FAM222B: variants seen among roughly 807,000 people sequenced by gnomAD.
FAM222B encodes the protein protein FAM222B.
A neutral mutation model predicts 38.0 loss-of-function variants in FAM222B; 12 were observed. The ratio of observed to expected loss-of-function variants is 0.32; its 90% confidence interval spans 0.20 to 0.51. The LOEUF is 0.51. Among genes scored for constraint, FAM222B ranks in the 20% least tolerant of loss-of-function variants. FAM222B has a pLI of 0.97. For synonymous variants in FAM222B, 329 were observed against 317.2 expected (o/e 1.04, Z -0.40); for missense variants, 716 against 754.2 (o/e 0.95, Z 0.59).
At chr17:28,780,602 A>T (rs1319697957) in intron 1 of FAM222B, among the ~76,000 whole-genome samples, 3 of 152,016 alleles carry the variant, frequency 2.0e-5, no homozygotes, top group Non-Finnish European at 2.9e-5. Context: ...ATTGAAGAGG[A>T]TGGGTGCGGT....
chr17:28,836,160 G>A (rs932648458), intron 1 of FAM222B, among the ~76,000 whole-genome samples: 1 of 150,320 alleles, frequency 6.7e-6, no homozygotes, highest in African/African-American at 2.4e-5. Context: ...CAGCTAATTT[G>A]TGTGTTTTTA....
At position 28,758,341 on chromosome 17, in the gene FAM222B, C is replaced by A. The variant is rs1283279133; in HGVS notation, c.1618G>T (p.Ala540Ser). The A allele has an allele frequency of 6.2e-7, 1 of 1,612,316 alleles. No individual in the cohort carries two copies. The highest frequency in any genetic ancestry group is 8.5e-7 in the Non-Finnish European group (1 of 1,179,196). Reference protein sequence around the residue: ...SLAMLSKAHRAPGNRAPDPTE... With the variant: ...SLAMLSKAHRSPGNRAPDPTE... Reference sequence around the variant, plus strand: ...GGATCGGGGGCTCGGTTGCCAGGGGCTCGGTGGGCCTTGCTCAGCATGGCC... The same window carrying A: ...GGATCGGGGGCTCGGTTGCCAGGGGATCGGTGGGCCTTGCTCAGCATGGCC... Residue 540 changes from alanine to serine, a missense_variant, in exon 3 of 3, where the codon GCC becomes TCC. By Grantham distance (99) the Ala-to-Ser change is moderately conservative. Transcript: ENST00000581407.
rs559072043 is a variant in FAM222B, at chr17:28,840,224, G to A, written c.-41+2458C>T. Among the ~76,000 whole-genome samples the A allele has an allele frequency of 4.6e-5, 7 of 152,012 alleles. No homozygotes were observed. In the East Asian group the frequency reaches 7.7e-4, roughly 17 times the overall value. ...TCTACTAAAAATACAAAAACTAGCC[G>A]GGCATGGTGGTGGGTGCCTGTAATC... On this transcript the variant is annotated intron_variant, in intron 1 of 2. Transcript: ENST00000581407.
At chr17:28,820,164 G>C (rs773675288) in intron 1 of FAM222B, among the ~76,000 whole-genome samples, 1 of 152,174 alleles carries the variant, frequency 6.6e-6, no homozygotes, top group Non-Finnish European at 1.5e-5. Flanking sequence ...CAGCACGTCA[G>C]CAGACTATCC....
chr17:28,835,103 T>A (rs1003452322), intron 1 of FAM222B, among the ~76,000 whole-genome samples: 1 of 151,028 alleles, frequency 6.6e-6, no homozygotes. Context: ...TAGAGTGCAG[T>A]GGCGTGATCT....
chr17:28,828,957 G>A (rs1217467140), intron 1 of FAM222B, among the ~76,000 whole-genome samples: 1 of 151,636 alleles, frequency 6.6e-6, no homozygotes, highest in Non-Finnish European at 1.5e-5. Flanking sequence ...GGGCTGAAGT[G>A]CAGTATGGCG....
chr17:28,852,547 G>A (rs1208324296), intron 1 of FAM222B, among the ~76,000 whole-genome samples: 2 of 151,834 alleles, frequency 1.3e-5, no homozygotes, highest in Non-Finnish European at 2.9e-5. Context: ...AGGCTGAAGA[G>A]GGAGGATTGC....
intron 1 of FAM222B, among the ~76,000 whole-genome samples, chr17:28,784,168 A>G (rs963300982): frequency 4.6e-5 from 7 of 152,088 alleles, no homozygotes; most frequent in Admixed American, 3.3e-4. Context: ...GATACACAGT[A>G]AACATTATTT....
intron 1 of FAM222B, among the ~76,000 whole-genome samples, chr17:28,828,266 CA>C (rs1207209718): frequency 1.3e-5 from 2 of 150,374 alleles, no homozygotes; most frequent in Non-Finnish European, 3.0e-5. Flanking sequence ...AACCTTGTCT[CA>C]AAAAAACAAA....
At chr17:28,788,967 G>T (rs1033888881) in intron 1 of FAM222B, among the ~76,000 whole-genome samples, 2 of 147,478 alleles carry the variant, frequency 1.4e-5, no homozygotes, top group African/African-American at 5.0e-5. Context: ...GGCTGGTCTT[G>T]AACTCCTGAT....
At chr17:28,762,259 T>G (rs2035111431) in intron 2 of FAM222B, 1 of 151,998 alleles carries the variant, frequency 6.6e-6, no homozygotes, top group African/African-American at 2.4e-5. Flanking sequence ...GTACAGTATA[T>G]TGAACAAAAA....
At chr17:28,800,934 TG>T (rs1411163580) in intron 1 of FAM222B, among the ~76,000 whole-genome samples, 1 of 110,934 alleles carries the variant, frequency 9.0e-6, no homozygotes, top group African/African-American at 3.5e-5. Flanking sequence ...CCGAGGCGGG[TG>T]GATCACAAGG....
chr17:28,825,292 C>T (rs2038396427), intron 1 of FAM222B, among the ~76,000 whole-genome samples: 4 of 151,764 alleles, frequency 2.6e-5, no homozygotes, highest in Admixed American at 1.3e-4. Context: ...AAAAATTAGC[C>T]GGACGTAGAG....
At chr17:28,778,056 T>C (rs1249092607) in intron 1 of FAM222B, among the ~76,000 whole-genome samples, 2 of 151,096 alleles carry the variant, frequency 1.3e-5, no homozygotes, top group African/African-American at 4.9e-5. Flanking sequence ...CTGCACTGTA[T>C]TGAAAAGTAT....
chr17:28,775,987 A>G (rs541637181), intron 1 of FAM222B, among the ~76,000 whole-genome samples: 1 of 151,558 alleles, frequency 6.6e-6, no homozygotes, highest in Non-Finnish European at 1.5e-5. Flanking sequence ...GAGGCACGAG[A>G]GTCGTTTGAA....
At chr17:28,838,240 G>A (rs1392359214) in intron 1 of FAM222B, among the ~76,000 whole-genome samples, 3 of 152,010 alleles carry the variant, frequency 2.0e-5, no homozygotes, top group South Asian at 2.1e-4. Context: ...CCAAGATGGC[G>A]CCACTGCACT....
chr17:28,791,645 T>G (rs560816494), intron 1 of FAM222B, among the ~76,000 whole-genome samples: 1 of 150,270 alleles, frequency 6.7e-6, no homozygotes, highest in African/African-American at 2.4e-5. Flanking sequence ...CTTTGGGAGA[T>G]TGAGTCAGGA....
In FAM222B at chr17:28,778,677, T is replaced by G. The variant is rs1427459418; in HGVS notation, c.-40-11970A>C. Reference sequence around the variant, plus strand: ...TGTCATCATGCCTAGCTAATTTTTTTTTTGTGTGTGTGTGTGTGTGTATAT... The same window carrying G: ...TGTCATCATGCCTAGCTAATTTTTTGTTTGTGTGTGTGTGTGTGTGTATAT... On this transcript the variant is annotated intron_variant, in intron 1 of 2. Transcript: ENST00000581407. Among the ~76,000 whole-genome samples, 32 of 89,900 alleles carry G rather than the reference T, an allele frequency of 3.6e-4. No homozygotes were observed. The South Asian group carries it at 4.8e-3, about 13-fold the overall frequency. The allele number at this position is 89,900 out of a possible 152,430, so 59.0% of individuals were successfully genotyped here.
intron 1 of FAM222B, among the ~76,000 whole-genome samples, chr17:28,769,560 G>A (rs902174986): frequency 3.3e-5 from 5 of 152,202 alleles, no homozygotes; most frequent in Admixed American, 3.3e-4. Context: ...GCCTCCCAAA[G>A]TGCTGGGATT....
Sources: gnomAD v4.1 joint callset for allele counts (sites outside exome capture counted in the v4.1 genomes callset) on GRCh38, gnomAD v4.1.1 for gene constraint, MANE v1.5 for transcripts, NCBI Gene and HGNC (gene_info 2026-07-23, HGNC 2026-07-21) for gene names.